Variants in TMBIM6 observed in about 807,000 individuals in gnomAD.
TMBIM6 encodes bax inhibitor 1.
A neutral mutation model predicts 31.4 loss-of-function variants in TMBIM6; 13 were observed. That is an observed-to-expected ratio of 0.41 (90% CI 0.27 to 0.66). The LOEUF (loss-of-function observed/expected upper bound fraction) is 0.66. Among genes scored for constraint, TMBIM6 ranks in the 30% least tolerant of loss-of-function variants. The pLI is 0.28. For missense variants in TMBIM6, 275 were observed against 289.5 expected (o/e 0.95, Z 0.36); for synonymous variants, 85 against 101.7 (o/e 0.84, Z 0.99).
Position 49,762,810 on chromosome 12 carries a change from A to C in TMBIM6, c.691-63A>C, listed in dbSNP as rs1021890952. 5 of 1,523,826 alleles carry C rather than the reference A, an allele frequency of 3.3e-6. No individual in the cohort carries two copies. In the African/African-American group the frequency reaches 4.1e-5, roughly 13 times the overall value. 94.4% of individuals were successfully genotyped at this position (1,523,826 alleles called of 1,614,324 possible). A position where few individuals can be genotyped will look rare whatever the true frequency, so the allele number is the denominator to read the frequency against. On this transcript the variant is annotated intron_variant, in intron 9 of 9. Coordinates refer to ENST00000267115, the MANE Select transcript of TMBIM6 (RefSeq NM_003217.3). ...CTAGTCCCTAACTAAATGCTCACTCAAGAGTTTTAGCTTGAATGTCAAATG... is the reference window on the plus strand; with the variant it reads ...CTAGTCCCTAACTAAATGCTCACTCCAGAGTTTTAGCTTGAATGTCAAATG...
rs968480974 is a variant in TMBIM6 at position 49,764,136 on chromosome 12, C to T, written c.*1240C>T. 2.0e-5 allele frequency: 3 copies of T among 152,172 alleles called. No homozygotes were observed. Among genetic ancestry groups the T allele is most frequent in the African/African-American group, 4.8e-5 (2 of 41,430 alleles). 9.4% of individuals were successfully genotyped at this position (152,172 alleles called of 1,614,324 possible). ...ACCAAACCAGTGAGAGCCCCAATCCCTGCAGTTTTGTGGCTTCAAGTGTGG... is the reference window on the plus strand; with the variant it reads ...ACCAAACCAGTGAGAGCCCCAATCCTTGCAGTTTTGTGGCTTCAAGTGTGG... On this transcript the variant is annotated 3_prime_UTR_variant, in exon 10 of 10. Transcript: ENST00000267115.
chr12:49,751,952 AG>A (rs1945502237), intron 1 of TMBIM6, among the ~76,000 whole-genome samples: 1 of 151,840 alleles, frequency 6.6e-6, no homozygotes, highest in African/African-American at 2.4e-5. Flanking sequence ...TAGTAGAGAC[AG>A]GGTTTCACCA....
chr12:49,758,121 G>A (rs769593453), intron 4 of TMBIM6, 106 bp from the exon 5 acceptor site: 21 of 1,208,042 alleles, frequency 1.7e-5, no homozygotes, highest in East Asian at 2.3e-5. Flanking sequence ...TTTAGTCCAC[G>A]TTTGTTAAGA....
At chr12:49,745,915 T>C (rs1292975708) in intron 1 of TMBIM6, among the ~76,000 whole-genome samples, 1 of 152,144 alleles carries the variant, frequency 6.6e-6, no homozygotes, top group Non-Finnish European at 1.5e-5. Context: ...GCTTAAGCTA[T>C]AATGTTTGGT....
intron 1 of TMBIM6, among the ~76,000 whole-genome samples, chr12:49,746,270 G>T (rs912095243): frequency 1.1e-4 from 17 of 151,972 alleles, no homozygotes; most frequent in Non-Finnish European, 8.8e-5. Flanking sequence ...TTTTAGTAGA[G>T]ATGGGGTTTC....
chr12:49,760,615 C>T (rs1346966921), intron 8 of TMBIM6, among the ~76,000 whole-genome samples: 8 of 145,128 alleles, frequency 5.5e-5, no homozygotes, highest in African/African-American at 1.8e-4. Context: ...CAGCTCACTG[C>T]AACCTCCGCC....
At chr12:49,758,590 C>G in intron 6 of TMBIM6, 93 bp from the exon 7 acceptor site, 3 of 1,556,132 alleles carry the variant, frequency 1.9e-6, no homozygotes, top group Non-Finnish European at 2.7e-6. Context: ...TGAGATTAAC[C>G]TTCATTCTGG....
chr12:49,741,785 G>A (rs1292419796), intron 1 of TMBIM6, 174 bp downstream of exon 1: 2 of 267,874 alleles, frequency 7.5e-6, no homozygotes, highest in Non-Finnish European at 1.5e-5. Flanking sequence ...AGGGAAGCTA[G>A]GGAACTAGTG....
At chr12:49,762,679 C>T (rs1197545120) in intron 9 of TMBIM6, among the ~76,000 whole-genome samples, 194 bp from the exon 10 acceptor site, 1 of 152,120 alleles carries the variant, frequency 6.6e-6, no homozygotes, top group African/African-American at 2.4e-5. Context: ...TATTCTTGGT[C>T]GGTCTGTCGG....
Position 49,764,124 on chromosome 12 carries a change from G to A in TMBIM6, c.*1228G>A, listed in dbSNP as rs959559331. 1.3e-5 allele frequency: 2 copies of A among 152,302 alleles called. No individual in the cohort carries two copies. Among genetic ancestry groups the A allele is most frequent in the Middle Eastern group, 6.8e-3 (2 of 294 alleles). 9.4% of individuals were successfully genotyped at this position (152,302 alleles called of 1,614,324 possible). ...GGGAGTTAGGCGACCAAACCAGTGA[G>A]AGCCCCAATCCCTGCAGTTTTGTGG... On this transcript the variant is annotated 3_prime_UTR_variant, in exon 10 of 10. Coordinates refer to ENST00000267115, the MANE Select transcript of TMBIM6 (RefSeq NM_003217.3).
At chr12:49,759,805 CAAAA>C (rs57668484) in intron 8 of TMBIM6, among the ~76,000 whole-genome samples, 26,802 of 91,552 alleles carry the variant, frequency 0.29, 4,034 homozygotes, top group African/African-American at 0.51. Context: ...GACCCTGTCT[CAAAA>C]AAAAAAAAAA....
intron 1 of TMBIM6, among the ~76,000 whole-genome samples, chr12:49,745,955 G>A (rs145040090): frequency 2.0e-5 from 3 of 152,136 alleles, no homozygotes; most frequent in East Asian, 3.9e-4. Context: ...CATAAATTAC[G>A]ATACTTTCAG....
At chr12:49,747,668 T>C (rs1273851819) in intron 1 of TMBIM6, among the ~76,000 whole-genome samples, 1 of 152,222 alleles carries the variant, frequency 6.6e-6, no homozygotes, top group Non-Finnish European at 1.5e-5. Flanking sequence ...GTCTTCATAA[T>C]AAAACATAAA....
At chr12:49,742,378 A>T in intron 1 of TMBIM6, 1 of 1,441,508 alleles carries the variant, frequency 6.9e-7, no homozygotes, top group South Asian at 1.4e-5. Context: ...TCTTGGGCCT[A>T]CTTGCTGGAC....
At position 49,741,615 on chromosome 12, in the gene TMBIM6, CG is replaced by C. The variant is rs1255531852; in HGVS notation, c.-31+5del. ...CTTGGAGAGGCGGGTTAGGAAGGTA[CG>C]TCTGAACCTAGTACTGGGCGAACTG... On this transcript the variant is annotated splice_donor_5th_base_variant and intron_variant, in intron 1 of 9. Coordinates refer to ENST00000267115, the MANE Select transcript of TMBIM6 (RefSeq NM_003217.3). The C allele has an allele frequency of 6.2e-6, 1 of 161,190 alleles. No individual in the cohort carries two copies. The highest frequency in any genetic ancestry group is 1.4e-5 in the Non-Finnish European group (1 of 72,328). 10.0% of individuals were successfully genotyped at this position (161,190 alleles called of 1,614,324 possible).
At chr12:49,758,849 A>C in intron 7 of TMBIM6, 87 bp downstream of exon 7, 1 of 1,160,188 alleles carries the variant, frequency 8.6e-7, no homozygotes, top group African/African-American at 1.9e-5. Context: ...TTCTTTCTGT[A>C]CTACTTTGGG....
chr12:49,758,332 T>C (rs1280224102), intron 5 of TMBIM6, 51 bp from the exon 6 acceptor site: 2 of 1,613,950 alleles, frequency 1.2e-6, no homozygotes, highest in South Asian at 1.1e-5. Context: ...ACCTTCTAAA[T>C]GTAGACCGTA....
intron 1 of TMBIM6, chr12:49,742,256 T>C: frequency 1.9e-6 from 3 of 1,607,768 alleles, no homozygotes; most frequent in Non-Finnish European, 2.5e-6. Context: ...GCCCCGCTCT[T>C]TTCGGATTGG....
chr12:49,751,603 A>C (rs185255743), intron 1 of TMBIM6, among the ~76,000 whole-genome samples: 1 of 151,958 alleles, frequency 6.6e-6, no homozygotes, highest in African/African-American at 2.4e-5. Context: ...AGTCCTTTTC[A>C]GTTCAGTTCT....
Sources: allele counts gnomAD v4.1 joint callset (sites outside exome capture counted in the v4.1 genomes callset), GRCh38; gene constraint gnomAD v4.1.1; transcripts MANE v1.5; gene names NCBI Gene and HGNC (gene_info 2026-07-23, HGNC 2026-07-21).